UBN2: variants seen among roughly 807,000 people sequenced by gnomAD.
UBN2 encodes the protein ubinuclein 2.
Under a neutral mutation model 120.2 loss-of-function variants are expected in UBN2, and 35 were observed. The observed-to-expected ratio is 0.29, with a 90% CI of 0.22 to 0.39. The LOEUF (loss-of-function observed/expected upper bound fraction) is 0.39. Ranked by LOEUF, UBN2 falls within the 10% of genes least tolerant of loss-of-function variation. The probability of loss-of-function intolerance (pLI) is 1.00; values close to 1 mark genes in which losing one functional copy is unlikely to be tolerated. For missense variants in UBN2, 1,693 were observed against 1,663.2 expected (o/e 1.02, Z -0.31); for synonymous variants, 661 against 648.7 (o/e 1.02, Z -0.29).
At chr7:139,263,909 C>CT (rs760906167) in intron 6 of UBN2, among the ~76,000 whole-genome samples, 4 of 151,996 alleles carry the variant, frequency 2.6e-5, no homozygotes, top group Non-Finnish European at 4.4e-5. Flanking sequence ...TATAAAAAGT[C>CT]TTAAGGTTAT....
chr7:139,271,440 G>C (rs1314442725), intron 8 of UBN2, among the ~76,000 whole-genome samples: 2 of 152,042 alleles, frequency 1.3e-5, no homozygotes, highest in South Asian at 2.1e-4. Flanking sequence ...AGAAATATTT[G>C]TTGGGTGTGG....
chr7:139,285,865 C>T (rs1797771519), intron 15 of UBN2, among the ~76,000 whole-genome samples: 1 of 151,930 alleles, frequency 6.6e-6, no homozygotes, highest in South Asian at 2.1e-4. Flanking sequence ...GCCTTAGGCT[C>T]CCGAGTAGCT....
At chr7:139,316,024 C>G in the UBN2 span, among the ~76,000 whole-genome samples, 5 of 129,038 alleles carry the variant, frequency 3.9e-5, no homozygotes, top group African/African-American at 8.8e-5. Context: ...TTGCAGTGAG[C>G]TGAGATCGCG....
At chr7:139,255,241 A>G (rs1053208670) in intron 3 of UBN2, among the ~76,000 whole-genome samples, 1 of 152,164 alleles carries the variant, frequency 6.6e-6, no homozygotes, top group Non-Finnish European at 1.5e-5. Context: ...ATCTCCTTTT[A>G]TAGCATTTAG....
chr7:139,297,924 G>A lies in UBN2; in HGVS notation c.*88G>A. ...GTACTTATGTGGTCATAGGGCTGCTGTTTCTGTCGATGTTTACATTCTCTC... is the reference window on the plus strand; with the variant it reads ...GTACTTATGTGGTCATAGGGCTGCTATTTCTGTCGATGTTTACATTCTCTC... On this transcript the variant is annotated 3_prime_UTR_variant, in exon 18 of 18. Transcript: ENST00000473989. 1 of 1,401,264 alleles carries A rather than the reference G, an allele frequency of 7.1e-7. No individual in the cohort carries two copies. Among genetic ancestry groups the A allele is most frequent in the South Asian group, 1.2e-5 (1 of 85,238 alleles). The allele number at this position is 1,401,264 out of a possible 1,614,324, so 86.8% of individuals were successfully genotyped here.
chr7:139,293,972 G>A lies in UBN2; in HGVS notation c.3985G>A (p.Ala1329Thr). The change falls in exon 17 of 18, where the codon GCA becomes ACA. Residue 1329 changes from alanine (A) to threonine (T), a missense_variant. Physicochemically the swap from Ala to Thr is moderately conservative, Grantham distance 58. Coordinates refer to ENST00000473989, the MANE Select transcript of UBN2 (RefSeq NM_173569.4). Reference protein sequence around the residue: ...HSPLPAHLQQAFHDGGQSKGD... With the variant: ...HSPLPAHLQQTFHDGGQSKGD... Reference sequence around the variant, plus strand: ...ACCTCTGCCTGCACACTTACAGCAAGCATTTCACGGTGAGAACGCCACCTC... The same window carrying A: ...ACCTCTGCCTGCACACTTACAGCAAACATTTCACGGTGAGAACGCCACCTC... 1 of 1,614,102 alleles carries A rather than the reference G, an allele frequency of 6.2e-7. No individual in the cohort carries two copies. Among genetic ancestry groups the A allele is most frequent in the Non-Finnish European group, 8.5e-7 (1 of 1,179,982 alleles).
intron 12 of UBN2, chr7:139,276,358 G>A: frequency 1.9e-6 from 1 of 529,046 alleles, no homozygotes. Context: ...ACACATAATG[G>A]CCTGGGATTC....
At chr7:139,318,006 C>T in the UBN2 span, among the ~76,000 whole-genome samples, 8 of 152,166 alleles carry the variant, frequency 5.3e-5, no homozygotes, top group South Asian at 1.7e-3. Flanking sequence ...TTGTCACCAA[C>T]TTCATATCAG....
rs756370426 is a variant in UBN2, at chr7:139,261,748, G to T, written c.1395+7G>T. 1 of 1,595,654 alleles carries T rather than the reference G, an allele frequency of 6.3e-7. No homozygotes were observed. The highest frequency in any genetic ancestry group is 1.1e-5 in the South Asian group (1 of 90,110). On this transcript the variant is annotated splice_region_variant and intron_variant, in intron 6 of 17. Coordinates refer to ENST00000473989, the MANE Select transcript of UBN2 (RefSeq NM_173569.4). ...TATCGAAGACCTTCGTGTAGTAAGT[G>T]TAATAATTCTCTTGCTTTTTATTTG...
At chr7:139,240,598 T>G (rs1160857508) in intron 2 of UBN2, among the ~76,000 whole-genome samples, 1 of 151,894 alleles carries the variant, frequency 6.6e-6, no homozygotes, top group Non-Finnish European at 1.5e-5. Context: ...ACTACAATGA[T>G]CTTTATTGGT....
intron 6 of UBN2, among the ~76,000 whole-genome samples, chr7:139,261,948 CT>C (rs72000087): frequency 0.085 from 11,242 of 131,842 alleles, 693 homozygotes; most frequent in Admixed American, 0.21. Flanking sequence ...TTCTTTCTTT[CT>C]TTTTTTTTTT....
chr7:139,245,248 T>C (rs947392181), intron 2 of UBN2, among the ~76,000 whole-genome samples: 9 of 152,040 alleles, frequency 5.9e-5, no homozygotes, highest in Non-Finnish European at 1.3e-4. Flanking sequence ...CCTACCACAT[T>C]ATTCTTCAAT....
the UBN2 span, among the ~76,000 whole-genome samples, chr7:139,325,609 TCGA>T: frequency 6.6e-6 from 1 of 152,104 alleles, no homozygotes; most frequent in African/African-American, 2.4e-5. Flanking sequence ...AGCATCACAC[TCGA>T]CAGAAGTGCA....
chr7:139,325,272 T>C, the UBN2 span, among the ~76,000 whole-genome samples: 2 of 141,680 alleles, frequency 1.4e-5, no homozygotes, highest in African/African-American at 5.3e-5. Context: ...TTTTTTTTTT[T>C]TTTTTTTTTT....
intron 3 of UBN2, among the ~76,000 whole-genome samples, chr7:139,252,656 T>G (rs1017431170): frequency 5.9e-5 from 9 of 152,224 alleles, no homozygotes; most frequent in Non-Finnish European, 4.4e-5. Flanking sequence ...TATTTTCATA[T>G]GCTCTGCTCC....
At chr7:139,293,537 T>C in intron 16 of UBN2, 74 bp downstream of exon 16, 1 of 1,290,896 alleles carries the variant, frequency 7.7e-7, no homozygotes, top group East Asian at 2.3e-5. Flanking sequence ...TTATTCTAAT[T>C]AAGAGTAGTC....
downstream of UBN2, among the ~76,000 whole-genome samples, chr7:139,312,269 G>A (rs1230966705): frequency 6.6e-6 from 1 of 152,192 alleles, no homozygotes; most frequent in African/African-American, 2.4e-5. Flanking sequence ...TGTGTCGTGT[G>A]TATACAATTT....
In UBN2 at chr7:139,283,207, G is replaced by A. The variant is rs1401486158; in HGVS notation, c.2302G>A (p.Asp768Asn). 1.9e-6 allele frequency: 3 copies of A among 1,612,580 alleles called. No homozygotes were observed. Among genetic ancestry groups the A allele is most frequent in the East Asian group, 2.2e-5 (1 of 44,828 alleles). The change falls in exon 15 of 18, where the codon GAT becomes AAT. Residue 768 changes from aspartate to asparagine, a missense_variant. Asp to Asn is a conservative substitution (Grantham distance 23). This residue lies in a region of UBN2 where 837 missense variants were observed against 817.6 expected (regional missense o/e 1.02). Coordinates refer to ENST00000473989, the MANE Select transcript of UBN2 (RefSeq NM_173569.4). ...CCTTTCTTTCCATTCACCTTCACTGGATCTTGTTTCTGAAGCTTTAGCGGT... is the reference window on the plus strand; with the variant it reads ...CCTTTCTTTCCATTCACCTTCACTGAATCTTGTTTCTGAAGCTTTAGCGGT... ...EDLSFHSPSL[D>N]LVSEALAVIN...
chr7:139,310,162 G>T (rs1197391294), downstream of UBN2, among the ~76,000 whole-genome samples: 1 of 152,018 alleles, frequency 6.6e-6, no homozygotes, highest in Non-Finnish European at 1.5e-5. Flanking sequence ...ATTGGATTTG[G>T]CTTGGAGGGA....
Sources: allele counts gnomAD v4.1 joint callset (sites outside exome capture counted in the v4.1 genomes callset), GRCh38; gene constraint gnomAD v4.1.1; regional missense constraint gnomAD v4.1.1; transcripts MANE v1.5; gene names NCBI Gene and HGNC (gene_info 2026-07-23, HGNC 2026-07-21).